The following DOCK3 variants were observed in gnomAD, a reference collection of about 807,000 sequenced individuals.
The protein encoded by DOCK3 is dedicator of cytokinesis protein 3.
DOCK3 carries 60 observed loss-of-function variants against 265.6 expected under a neutral mutation model. The observed-to-expected ratio is 0.23, with a 90% CI of 0.18 to 0.28. The LOEUF (loss-of-function observed/expected upper bound fraction) is 0.28, where lower values mean the gene tolerates loss of function less well. Ranked by LOEUF, DOCK3 falls within the 10% of genes least tolerant of loss-of-function variation. DOCK3 has a pLI of 1.00. For missense variants in DOCK3, 1,981 were observed against 2,594.3 expected, an observed-to-expected ratio of 0.76 and a Z score of 5.14; for synonymous variants, 881 against 938.0, an observed-to-expected ratio of 0.94 and a Z score of 1.11.
intron 5 of DOCK3, among the ~76,000 whole-genome samples, chr3:50,964,743 C>T (rs1414509362): frequency 6.6e-6 from 1 of 151,974 alleles, no homozygotes; most frequent in Non-Finnish European, 1.5e-5. Context: ...TTGATGAAAA[C>T]TGCAATCCTA....
At chr3:51,062,899 A>AGTTT (rs1351108864) in intron 5 of DOCK3, among the ~76,000 whole-genome samples, 1 of 152,204 alleles carries the variant, frequency 6.6e-6, no homozygotes, top group Non-Finnish European at 1.5e-5. Context: ...CAGATGGTAT[A>AGTTT]GTTTGCTTGG....
chr3:51,305,733 C>CGTGTGTGTGTGTGTGTGTGTGT (rs202005379), intron 27 of DOCK3, among the ~76,000 whole-genome samples: 1 of 135,526 alleles, frequency 7.4e-6, no homozygotes, highest in South Asian at 2.4e-4. Context: ...TGTGTGTGTG[C>CGTGTGTGTGTGTGTGTGTGTGT]GCGTGTGTGT....
At chr3:50,790,291 G>C (rs2042400128) in intron 2 of DOCK3, among the ~76,000 whole-genome samples, 1 of 152,102 alleles carries the variant, frequency 6.6e-6, no homozygotes, top group African/African-American at 2.4e-5. Flanking sequence ...GGAGCATTTA[G>C]GCCATACATT....
chr3:51,288,899 T>C (rs963006049), intron 27 of DOCK3, among the ~76,000 whole-genome samples: 1 of 148,024 alleles, frequency 6.8e-6, no homozygotes, highest in African/African-American at 2.6e-5. Flanking sequence ...TGTGTGTGTG[T>C]GTGGGTGTGT....
intron 1 of DOCK3, among the ~76,000 whole-genome samples, chr3:50,755,377 C>A (rs1177239111): frequency 6.6e-6 from 1 of 152,132 alleles, no homozygotes; most frequent in Non-Finnish European, 1.5e-5. Context: ...TATAGTATCA[C>A]CACCATTAGT....
chr3:50,972,063 G>A lies in DOCK3; in HGVS notation c.315+37986G>A, dbSNP rs567487800. Among the ~76,000 whole-genome samples, 5 of 152,370 alleles carry A rather than the reference G, an allele frequency of 3.3e-5. No homozygotes were observed. In the East Asian group the frequency reaches 9.6e-4, roughly 29 times the overall value. On this transcript the variant is annotated intron_variant, in intron 5 of 52. Coordinates refer to ENST00000266037, the MANE Select transcript of DOCK3 (RefSeq NM_004947.5). ...TCTCCAGGCTGCAGTGTAGCCAAGA[G>A]CTGTGAAGATATCTATCTTGTGGCT...
chr3:50,735,194 A>T (rs2038508327), intron 1 of DOCK3, among the ~76,000 whole-genome samples: 2 of 151,936 alleles, frequency 1.3e-5, no homozygotes, highest in African/African-American at 4.8e-5. Context: ...CTTATGGAGG[A>T]TGCCTTGTTT....
At chr3:50,769,839 G>C (rs2041168702) in intron 1 of DOCK3, among the ~76,000 whole-genome samples, 1 of 148,628 alleles carries the variant, frequency 6.7e-6, no homozygotes, top group Admixed American at 6.7e-5. Context: ...AAAAGTTTTA[G>C]CCAGAGCAAT....
At chr3:51,190,960 C>T (rs754192393) in intron 12 of DOCK3, among the ~76,000 whole-genome samples, 10 of 152,178 alleles carry the variant, frequency 6.6e-5, no homozygotes, top group African/African-American at 1.2e-4. Context: ...GTCACTGCCT[C>T]TGCTGCACAG....
chr3:51,021,909 C>T (rs1263694663), intron 5 of DOCK3, among the ~76,000 whole-genome samples: 1 of 152,122 alleles, frequency 6.6e-6, no homozygotes, highest in Non-Finnish European at 1.5e-5. Flanking sequence ...GATCTGCCTG[C>T]CTCGGCCTCC....
At chr3:51,110,256 G>A (rs770151061) in intron 9 of DOCK3, among the ~76,000 whole-genome samples, 1 of 152,098 alleles carries the variant, frequency 6.6e-6, no homozygotes. Flanking sequence ...ACAAAGAAAA[G>A]CTGGTGCCAT....
chr3:50,966,229 G>A (rs962286851), intron 5 of DOCK3, among the ~76,000 whole-genome samples: 2 of 152,140 alleles, frequency 1.3e-5, no homozygotes, highest in African/African-American at 4.8e-5. Context: ...TCTACTGACA[G>A]ACACTTAGGT....
intron 10 of DOCK3, among the ~76,000 whole-genome samples, chr3:51,157,483 C>T (rs879743857): frequency 3.9e-5 from 6 of 152,114 alleles, no homozygotes; most frequent in African/African-American, 1.2e-4. Context: ...TGACCTCAAG[C>T]GATCCTCCCA....
intron 5 of DOCK3, among the ~76,000 whole-genome samples, chr3:50,961,694 G>A (rs1161534842): frequency 1.3e-5 from 2 of 152,086 alleles, no homozygotes; most frequent in African/African-American, 4.8e-5. Context: ...TTTCTCTAAA[G>A]GTTAAATGAA....
chr3:51,354,799 C>T (rs1251759555), intron 40 of DOCK3, 83 bp from the exon 41 acceptor site: 3 of 1,547,110 alleles, frequency 1.9e-6, no homozygotes, highest in Non-Finnish European at 2.6e-6. Context: ...TATGTTTGTG[C>T]TATATGTAGC....
At chr3:51,149,598 C>T (rs1257410495) in intron 10 of DOCK3, among the ~76,000 whole-genome samples, 1 of 152,158 alleles carries the variant, frequency 6.6e-6, no homozygotes. Context: ...TTGAGATAAT[C>T]ATGTGGTTTT....
chr3:50,786,379 C>T (rs1411416304), intron 2 of DOCK3, among the ~76,000 whole-genome samples: 1 of 152,172 alleles, frequency 6.6e-6, no homozygotes, highest in Non-Finnish European at 1.5e-5. Context: ...GACAGTCCCT[C>T]TGTGAGCTCA....
intron 12 of DOCK3, among the ~76,000 whole-genome samples, chr3:51,168,672 A>C (rs777672959): frequency 6.6e-6 from 1 of 152,244 alleles, no homozygotes; most frequent in African/African-American, 2.4e-5. Context: ...CATTCTAGAC[A>C]TAGGAATGGG....
chr3:51,369,388 G>A (rs887277111), intron 49 of DOCK3, among the ~76,000 whole-genome samples: 1 of 152,160 alleles, frequency 6.6e-6, no homozygotes, highest in African/African-American at 2.4e-5. Context: ...TGAGAGTGAC[G>A]TGATGCATGC....
Sources: gnomAD v4.1 joint callset for allele counts (sites outside exome capture counted in the v4.1 genomes callset) on GRCh38, gnomAD v4.1.1 for gene constraint, MANE v1.5 for transcripts, NCBI Gene and HGNC (gene_info 2026-07-23, HGNC 2026-07-21) for gene names.